PARD3: variants seen among roughly 807,000 people sequenced by gnomAD.
PARD3 encodes the protein par-3 family cell polarity regulator.
PARD3 carries 75 observed loss-of-function variants against 155.4 expected under a neutral mutation model. The observed-to-expected ratio is 0.48, with a 90% CI of 0.40 to 0.58. The LOEUF is 0.58. PARD3 is among the 20% of genes least tolerant of loss of function. The pLI is 0.00. For synonymous variants in PARD3, 576 were observed against 610.5 expected (o/e 0.94, Z 0.83); for missense variants, 1,642 against 1,721.7 (o/e 0.95, Z 0.82).
chr10:34,611,523 A>G (rs1477183355), intron 2 of PARD3, among the ~76,000 whole-genome samples: 1 of 152,196 alleles, frequency 6.6e-6, no homozygotes, highest in Non-Finnish European at 1.5e-5. Flanking sequence ...TGCCTTTTAA[A>G]TTTAATTTCA....
chr10:34,198,911 A>G (rs1262386536), intron 22 of PARD3, among the ~76,000 whole-genome samples: 1 of 152,110 alleles, frequency 6.6e-6, no homozygotes, highest in Non-Finnish European at 1.5e-5. Context: ...CGTCAGACCA[A>G]TCTGGTTCAA....
intron 13 of PARD3, 36 bp downstream of exon 13, chr10:34,360,032 TTTG>T (rs1298430236): frequency 6.7e-7 from 1 of 1,503,274 alleles, no homozygotes; most frequent in African/African-American, 1.4e-5. Context: ...AATTAAAATT[TTTG>T]TTAATAGGCA....
intron 7 of PARD3, among the ~76,000 whole-genome samples, chr10:34,393,120 C>A (rs1842991213): frequency 2.8e-5 from 4 of 141,054 alleles, no homozygotes; most frequent in African/African-American, 8.0e-5. Context: ...TCAAAGGCAC[C>A]AAAAATGCTA....
chr10:34,442,196 A>T (rs2076499161), intron 5 of PARD3, among the ~76,000 whole-genome samples: 1 of 152,268 alleles, frequency 6.6e-6, no homozygotes, highest in African/African-American at 2.4e-5. Context: ...AGTCATTTGG[A>T]TCCTCATTGA....
At chr10:34,490,971 T>G (rs1289944448) in intron 3 of PARD3, among the ~76,000 whole-genome samples, 2 of 152,164 alleles carry the variant, frequency 1.3e-5, no homozygotes, top group Non-Finnish European at 2.9e-5. Context: ...CCAAGACAGC[T>G]CTAGAAGAGA....
At chr10:34,526,486 G>T (rs1361514569) in intron 2 of PARD3, among the ~76,000 whole-genome samples, 2 of 152,158 alleles carry the variant, frequency 1.3e-5, no homozygotes, top group Non-Finnish European at 2.9e-5. Flanking sequence ...TCCTCTGAAT[G>T]TCTGCATCCA....
intron 2 of PARD3, among the ~76,000 whole-genome samples, chr10:34,610,389 T>A (rs934169426): frequency 6.6e-6 from 1 of 152,030 alleles, no homozygotes; most frequent in African/African-American, 2.4e-5. Context: ...GTTTAAAAAA[T>A]TTAAAAATGC....
At chr10:34,559,567 A>C (rs2085296782) in intron 2 of PARD3, among the ~76,000 whole-genome samples, 1 of 152,238 alleles carries the variant, frequency 6.6e-6, no homozygotes, top group Non-Finnish European at 1.5e-5. Flanking sequence ...AGTCAGAAGA[A>C]TAGACATGCC....
intron 5 of PARD3, among the ~76,000 whole-genome samples, chr10:34,447,427 G>C (rs574061531): frequency 1.5e-5 from 2 of 132,434 alleles, no homozygotes; most frequent in African/African-American, 5.6e-5. Context: ...GCTGCAGTAA[G>C]CTGAGATTGT....
chr10:34,334,346 C>CAAAA (rs34205005), intron 18 of PARD3, among the ~76,000 whole-genome samples: 22 of 95,050 alleles, frequency 2.3e-4, no homozygotes, highest in Non-Finnish European at 3.5e-4. Context: ...TCCCTCTTGC[C>CAAAA]AAAAAAAAAA....
At chr10:34,623,388 A>G (rs566716161) in intron 2 of PARD3, among the ~76,000 whole-genome samples, 22 of 152,314 alleles carry the variant, frequency 1.4e-4, no homozygotes, top group Non-Finnish European at 2.8e-4. Flanking sequence ...TTTTCTACGA[A>G]TCTTTGAATA....
intron 2 of PARD3, among the ~76,000 whole-genome samples, chr10:34,548,389 C>T (rs1167321607): frequency 1.3e-5 from 2 of 152,072 alleles, no homozygotes; most frequent in South Asian, 2.1e-4. Context: ...GTCCCAGCTA[C>T]TCAGGAGGTC....
intron 2 of PARD3, among the ~76,000 whole-genome samples, chr10:34,681,770 T>TATATA (rs1564500809): frequency 9.6e-4 from 14 of 14,538 alleles, no homozygotes; most frequent in Admixed American, 3.3e-3. Flanking sequence ...ATATATATAT[T>TATATA]TTTTTTTTTT....
chr10:34,466,117 C>T (rs745860616), intron 4 of PARD3, among the ~76,000 whole-genome samples: 2 of 152,144 alleles, frequency 1.3e-5, no homozygotes, highest in Non-Finnish European at 2.9e-5. Flanking sequence ...AAAAGGTAGT[C>T]AGCCACAAAA....
At chr10:34,504,460 G>A (rs1280689492) in intron 3 of PARD3, among the ~76,000 whole-genome samples, 1 of 149,856 alleles carries the variant, frequency 6.7e-6, no homozygotes. Context: ...AGTATTTGTT[G>A]ATATGTAGGC....
intron 2 of PARD3, among the ~76,000 whole-genome samples, chr10:34,661,038 G>C (rs555470537): frequency 6.6e-6 from 1 of 152,038 alleles, no homozygotes; most frequent in African/African-American, 2.4e-5. Context: ...CTTTTCTTTT[G>C]CACATTAAAT....
chr10:34,560,786 G>T (rs2085405998), intron 2 of PARD3, among the ~76,000 whole-genome samples: 1 of 152,158 alleles, frequency 6.6e-6, no homozygotes, highest in South Asian at 2.1e-4. Context: ...TGAGACAATG[G>T]TGTTAAATAA....
chr10:34,404,171 G>A (rs1294485072), intron 5 of PARD3, among the ~76,000 whole-genome samples: 3 of 152,182 alleles, frequency 2.0e-5, no homozygotes, highest in African/African-American at 7.2e-5. Flanking sequence ...AGCTGCAGTT[G>A]CTGTGGAACC....
chr10:34,485,598 T>C (rs2079399915), intron 3 of PARD3, among the ~76,000 whole-genome samples: 1 of 152,144 alleles, frequency 6.6e-6, no homozygotes, highest in Non-Finnish European at 1.5e-5. Context: ...AAGAGTTAAG[T>C]TATTATCTAA....
Sources: gnomAD v4.1 joint callset for allele counts (sites outside exome capture counted in the v4.1 genomes callset) on GRCh38, gnomAD v4.1.1 for gene constraint, MANE v1.5 for transcripts, NCBI Gene and HGNC (gene_info 2026-07-23, HGNC 2026-07-21) for gene names.